The following MIA variants were observed in gnomAD, a reference collection of about 807,000 sequenced individuals.
MIA encodes melanoma-derived growth regulatory protein.
Under a neutral mutation model 18.5 loss-of-function variants are expected in MIA, and 18 were observed. That is an observed-to-expected ratio of 0.97 (90% confidence interval 0.67 to 1.44). The LOEUF (loss-of-function observed/expected upper bound fraction) is 1.44, where lower values mean the gene tolerates loss of function less well. Among genes scored for constraint, MIA ranks in the 40% most tolerant of loss-of-function variants. The pLI is 0.00. For synonymous variants in MIA, 55 were observed against 64.9 expected (o/e 0.85, Z 0.74); for missense variants, 158 against 172.4 (o/e 0.92, Z 0.47).
In MIA at chr19:40,775,934, C is replaced by T. The variant is rs759644290; in HGVS notation, c.261+49C>T. 5.0e-6 allele frequency: 8 copies of T among 1,593,070 alleles called. No homozygotes were observed. In the South Asian group the frequency reaches 7.8e-5, roughly 15 times the overall value. ...GGGAAGGGTACAGAGCTGGGGTAGA[C>T]TCATTATCCCCATGAAGGGAAGATT... is the stretch of plus-strand genomic sequence containing the variant. On this transcript the variant is annotated intron_variant, in intron 2 of 3. Coordinates refer to ENST00000263369, the MANE Select transcript of MIA (RefSeq NM_006533.4).
chr19:40,775,842 T>G lies in MIA; in HGVS notation c.218T>G (p.Phe73Cys). 1.2e-6 allele frequency: 2 copies of G among 1,613,924 alleles called. No individual in the cohort carries two copies. The highest frequency in any genetic ancestry group is 1.7e-6 in the Non-Finnish European group (2 of 1,180,006). Residue 73 changes from phenylalanine to cysteine, a missense_variant, in exon 2 of 4, where the codon TTC becomes TGC. By Grantham distance (205) the Phe-to-Cys change is radical. Coordinates refer to ENST00000263369, the MANE Select transcript of MIA (RefSeq NM_006533.4). The part of the protein sequence containing the change: ...TIHRGQVVYV[F>C]SKLKGRGRLF... ...CACCGGGGCCAAGTGGTGTATGTCTTCTCCAAGCTGAAGGGCCGTGGGCGG... is the reference window on the plus strand; with the variant it reads ...CACCGGGGCCAAGTGGTGTATGTCTGCTCCAAGCTGAAGGGCCGTGGGCGG...
Position 40,777,391 on chromosome 19 carries a change from T to C in MIA, c.373-6T>C. 6.2e-7 allele frequency: 1 copy of C among 1,613,984 alleles called. No individual in the cohort carries two copies. The highest frequency in any genetic ancestry group is 8.5e-7 in the Non-Finnish European group (1 of 1,179,952). On this transcript the variant is annotated splice_polypyrimidine_tract_variant and splice_region_variant and intron_variant, in intron 3 of 3. Coordinates refer to ENST00000263369, the MANE Select transcript of MIA (RefSeq NM_006533.4). ...CTTTCCACTGTTTCCCCTTTCTCTT[T>C]TTCAGAAATGGGATTTCTACTGCCA...
chr19:40,777,394 C>G lies in MIA; in HGVS notation c.373-3C>G. Reference sequence around the variant, plus strand: ...TCCACTGTTTCCCCTTTCTCTTTTTCAGAAATGGGATTTCTACTGCCAGTG... The same window carrying G: ...TCCACTGTTTCCCCTTTCTCTTTTTGAGAAATGGGATTTCTACTGCCAGTG... On this transcript the variant is annotated splice_polypyrimidine_tract_variant and splice_region_variant and intron_variant, in intron 3 of 3. Transcript: ENST00000263369. 2 of 1,613,892 alleles carry G rather than the reference C, an allele frequency of 1.2e-6. No individual in the cohort carries two copies. The highest frequency in any genetic ancestry group is 1.7e-6 in the Non-Finnish European group (2 of 1,179,948).
chr19:40,776,770 A>T, intron 2 of MIA, 199 bp from the exon 3 acceptor site: 2 of 496,562 alleles, frequency 4.0e-6, no homozygotes, highest in Non-Finnish European at 7.2e-6. Flanking sequence ...AAAAGCAAAT[A>T]TGCGCTGCTG....
intron 2 of MIA, chr19:40,776,690 C>G (rs917739080): frequency 3.7e-6 from 1 of 272,090 alleles, no homozygotes; most frequent in Admixed American, 5.1e-5. Flanking sequence ...TGCAGTGAGC[C>G]GTGATCATGC....
At position 40,777,112 on chromosome 19, in the gene MIA, G is replaced by A. The variant is rs757569781; in HGVS notation, c.372+33G>A. On this transcript the variant is annotated intron_variant, in intron 3 of 3. Coordinates refer to ENST00000263369, the MANE Select transcript of MIA (RefSeq NM_006533.4). ...TCATGGGGGCTGGCAAGAAATGTGG[G>A]GGGAGGACCCTTAGGTTGTGGGGAT... is the stretch of plus-strand genomic sequence containing the variant. The A allele has an allele frequency of 2.0e-5, 31 of 1,574,508 alleles. No homozygotes were observed. The South Asian group carries it at 3.4e-4, about 17-fold the overall frequency.
At position 40,777,489 on chromosome 19, in the gene MIA, A is replaced by G. The variant is rs2233160; in HGVS notation, c.*69A>G. ...ATGCAAATACAATCAGCCCAGTGCA[A>G]ACGGCTCGTCTCCGTGGTCTTTGGG... On this transcript the variant is annotated 3_prime_UTR_variant, in exon 4 of 4. Transcript: ENST00000263369. The G allele has an allele frequency of 5.6e-6, 8 of 1,418,444 alleles. No homozygotes were observed. The highest frequency in any genetic ancestry group is 3.5e-5 in the Admixed American group (2 of 57,426). 87.9% of individuals were successfully genotyped at this position (1,418,444 alleles called of 1,614,324 possible).
At chr19:40,776,475 GTAGCTCACAC>G in intron 2 of MIA, among the ~76,000 whole-genome samples, 1 of 152,114 alleles carries the variant, frequency 6.6e-6, no homozygotes, top group Non-Finnish European at 1.5e-5. Flanking sequence ...GCCGGGCACA[GTAGCTCACAC>G]CTGTAATCCC....
In MIA at chr19:40,775,529, G is replaced by A; in HGVS notation, c.-14G>A. 1 of 1,613,968 alleles carries A rather than the reference G, an allele frequency of 6.2e-7. No homozygotes were observed. The highest frequency in any genetic ancestry group is 1.1e-5 in the South Asian group (1 of 91,064). ...CCAGCACCCCCTTGCTCACTCTCTT[G>A]CTCACAGTCCACGATGGCCCGGTCC... is the stretch of plus-strand genomic sequence containing the variant. On this transcript the variant is annotated 5_prime_UTR_variant, in exon 1 of 4. Transcript: ENST00000263369.
In MIA at chr19:40,775,797, A is replaced by G; in HGVS notation, c.173A>G (p.Asp58Gly). Reference sequence around the variant, plus strand: ...GCCCTTCAGGACTACATGGCCCCCGACTGCCGATTCCTGACCATTCACCGG... The same window carrying G: ...GCCCTTCAGGACTACATGGCCCCCGGCTGCCGATTCCTGACCATTCACCGG... The part of the protein sequence containing the change: ...AVALQDYMAP[D>G]CRFLTIHRGQ... The change falls in exon 2 of 4, where the codon GAC becomes GGC. Residue 58 changes from aspartate to glycine, a missense_variant. Coordinates refer to ENST00000263369, the MANE Select transcript of MIA (RefSeq NM_006533.4). 2 of 1,613,930 alleles carry G rather than the reference A, an allele frequency of 1.2e-6. No individual in the cohort carries two copies. Among genetic ancestry groups the G allele is most frequent in the Non-Finnish European group, 1.7e-6 (2 of 1,179,996 alleles).
chr19:40,775,453 CA>C, upstream of MIA: 1 of 1,587,804 alleles, frequency 6.3e-7, no homozygotes, highest in South Asian at 1.1e-5. Context: ...AGACCAAGAA[CA>C]CAAGTTTCCT....
At chr19:40,777,157 C>CT in intron 3 of MIA, 78 bp downstream of exon 3, 1 of 1,302,542 alleles carries the variant, frequency 7.7e-7, no homozygotes, top group Non-Finnish European at 1.1e-6. Context: ...TGCTCCCACA[C>CT]TTGGCTCCCT....
chr19:40,777,295 C>T (rs2083004866), intron 3 of MIA, 102 bp from the exon 4 acceptor site: 3 of 1,410,018 alleles, frequency 2.1e-6, no homozygotes, highest in Non-Finnish European at 3.0e-6. Flanking sequence ...ACTTGTGTGG[C>T]CAGACCTGGG....
chr19:40,777,339 A>C, intron 3 of MIA, 58 bp from the exon 4 acceptor site: 1 of 1,593,064 alleles, frequency 6.3e-7, no homozygotes, highest in Non-Finnish European at 8.6e-7. Flanking sequence ...AAACCACTAG[A>C]TCCTTTGTGG....
chr19:40,775,278 T>G, upstream of MIA: 19 of 479,596 alleles, frequency 4.0e-5, no homozygotes, highest in Non-Finnish European at 5.6e-5. Flanking sequence ...GCCTCTGTGA[T>G]TGTTGAGGAG....
intron 3 of MIA, 48 bp downstream of exon 3, chr19:40,777,127 G>C: frequency 4.5e-6 from 7 of 1,540,370 alleles, no homozygotes; most frequent in Non-Finnish European, 6.3e-6. Context: ...GGACCCTTAG[G>C]TTGTGGGGAT....
chr19:40,776,714 C>G (rs1191815428), intron 2 of MIA: 1 of 338,444 alleles, frequency 3.0e-6, no homozygotes, highest in Non-Finnish European at 5.5e-6. Flanking sequence ...TGCACCTCAA[C>G]CTGGGCGACA....
upstream of MIA, chr19:40,775,399 T>C: frequency 7.9e-7 from 1 of 1,264,446 alleles, no homozygotes; most frequent in East Asian, 2.3e-5. Context: ...TAGCAACTTC[T>C]AGGTGGTGTG....
At chr19:40,775,434 G>A (rs1391262531), upstream of MIA, 3 of 1,550,360 alleles carry the variant, frequency 1.9e-6, no homozygotes, top group African/African-American at 1.4e-5. Context: ...CTGGTTTAGG[G>A]CGGGGACAAG....
Sources: allele counts gnomAD v4.1 joint callset (sites outside exome capture counted in the v4.1 genomes callset), GRCh38; gene constraint gnomAD v4.1.1; transcripts MANE v1.5; gene names NCBI Gene and HGNC (gene_info 2026-07-23, HGNC 2026-07-21).